MYOCD: variants seen among roughly 807,000 people sequenced by gnomAD.
MYOCD encodes the protein myocardin.
MYOCD carries 32 observed loss-of-function variants against 96.1 expected under a neutral mutation model. The ratio of observed to expected loss-of-function variants is 0.33; its 90% CI spans 0.25 to 0.45. MYOCD has a LOEUF of 0.45. Ranked by LOEUF, MYOCD falls within the 20% of genes least tolerant of loss-of-function variation. The pLI is 1.00. For missense variants in MYOCD, 1,133 were observed against 1,200.6 expected, an observed-to-expected ratio of 0.94 and a Z score of 0.83; for synonymous variants, 469 against 469.0, an observed-to-expected ratio of 1.00 and a Z score of 0.00.
chr17:12,699,137 A>T (rs1005606229), intron 1 of MYOCD, among the ~76,000 whole-genome samples: 1 of 144,916 alleles, frequency 6.9e-6, no homozygotes, highest in Non-Finnish European at 1.5e-5. Context: ...ATATATATAT[A>T]TTTTTTGAGA....
rs557147206 is a variant in MYOCD, at chr17:12,736,090, C to T, written c.416-71C>T. ...TGTATTTTTAATAGAAATGACACAT[C>T]GAAGCATTTCCAAAAATGCCCTTTG... On this transcript the variant is annotated intron_variant, in intron 5 of 13. Transcript: ENST00000425538. 15 of 1,264,622 alleles carry T rather than the reference C, an allele frequency of 1.2e-5. No individual in the cohort carries two copies. In the East Asian group the frequency reaches 1.9e-4, roughly 16 times the overall value. 78.3% of individuals were successfully genotyped at this position (1,264,622 alleles called of 1,614,324 possible). A position where few individuals can be genotyped will look rare whatever the true frequency, so the allele number is the denominator to read the frequency against.
chr17:12,690,046 T>C (rs867751521), intron 1 of MYOCD, among the ~76,000 whole-genome samples: 1 of 152,154 alleles, frequency 6.6e-6, no homozygotes, highest in Non-Finnish European at 1.5e-5. Flanking sequence ...CATATAGAGA[T>C]GTTAAATGCC....
In MYOCD at chr17:12,746,049, C is replaced by A; in HGVS notation, c.1102C>A (p.Pro368Thr). ...GVSSFKPGPL[P>T]PNLDDLKVSE... ...CTCTTCTTTCAAACCAGGCCCACTC[C>A]CACCTAACCTGGATGATCTGAAGGT... Residue 368 changes from proline (P) to threonine (T), a missense_variant, in exon 9 of 14, where the codon CCA (proline) becomes ACA (threonine). Coordinates refer to ENST00000425538, the MANE Select transcript of MYOCD (RefSeq NM_001146312.3). 2 of 1,614,234 alleles carry A rather than the reference C, an allele frequency of 1.2e-6. No individual in the cohort carries two copies.
At chr17:12,699,879 G>GTAATATA (rs1282808342) in intron 1 of MYOCD, among the ~76,000 whole-genome samples, 1 of 144,968 alleles carries the variant, frequency 6.9e-6, no homozygotes, top group Admixed American at 6.9e-5. Context: ...TTGAAAGATA[G>GTAATATA]TAATATATAT....
chr17:12,759,294 T>C (rs183714898), intron 12 of MYOCD, among the ~76,000 whole-genome samples: 2 of 152,272 alleles, frequency 1.3e-5, no homozygotes, highest in African/African-American at 2.4e-5. Flanking sequence ...TCTAAAAAAT[T>C]AGAGGATCTG....
intron 2 of MYOCD, among the ~76,000 whole-genome samples, chr17:12,710,698 C>G (rs1057150323): frequency 5.9e-5 from 9 of 152,120 alleles, no homozygotes; most frequent in African/African-American, 2.2e-4. Flanking sequence ...GGCTTTTCCC[C>G]CACAGCACCC....
chr17:12,699,325 A>G lies in MYOCD; in HGVS notation c.56-5803A>G, dbSNP rs571744372. Among the ~76,000 whole-genome samples the G allele has an allele frequency of 2.6e-5, 4 of 151,094 alleles. No homozygotes were observed. The South Asian group carries it at 8.4e-4, about 32-fold the overall frequency. On this transcript the variant is annotated intron_variant, in intron 1 of 13. Coordinates refer to ENST00000425538, the MANE Select transcript of MYOCD (RefSeq NM_001146312.3). ...TTTTTAGTAGAGATGGGGTTTCACCATTTTGGCCAGGCTGCTCTTGAGCTC... is the reference window on the plus strand; with the variant it reads ...TTTTTAGTAGAGATGGGGTTTCACCGTTTTGGCCAGGCTGCTCTTGAGCTC...
intron 5 of MYOCD, among the ~76,000 whole-genome samples, chr17:12,727,891 A>G (rs952823633): frequency 2.2e-4 from 34 of 152,170 alleles, no homozygotes; most frequent in African/African-American, 7.9e-4. Context: ...CCAGGCTGCA[A>G]GTTGACTTTC....
chr17:12,668,867 C>A (rs1909518388), intron 1 of MYOCD, among the ~76,000 whole-genome samples: 1 of 152,090 alleles, frequency 6.6e-6, no homozygotes, highest in Admixed American at 6.5e-5. Context: ...AAACATTTTT[C>A]TATTATTAAT....
rs954421100 is a variant in MYOCD at position 12,752,954 on chromosome 17, A to G, written c.1666A>G (p.Asn556Asp). The G allele has an allele frequency of 1.6e-5, 26 of 1,614,144 alleles. No homozygotes were observed. The highest frequency in any genetic ancestry group is 2.2e-5 in the Non-Finnish European group (26 of 1,180,034). The change falls in exon 10 of 14, where the codon AAC becomes GAC. Residue 556 changes from asparagine (N) to aspartate (D), a missense_variant. Transcript: ENST00000425538. ...RMQLQKQKRN[N>D]CSEKKPLPFL... ...GCAGCTTCAGAAGCAGAAAAGGAAT[A>G]ACTGTTCAGAGAAGAAGCCGCTGCC...
At chr17:12,696,003 G>A (rs915167028) in intron 1 of MYOCD, among the ~76,000 whole-genome samples, 1 of 152,080 alleles carries the variant, frequency 6.6e-6, no homozygotes, top group South Asian at 2.1e-4. Context: ...CATCCATGTC[G>A]TAGCATGTCA....
intron 1 of MYOCD, among the ~76,000 whole-genome samples, chr17:12,684,366 A>G (rs891395781): frequency 2.0e-5 from 3 of 152,244 alleles, no homozygotes; most frequent in African/African-American, 7.2e-5. Context: ...CTACAGGAGA[A>G]AGTGGAACGT....
At position 12,666,144 on chromosome 17, in the gene MYOCD, CA is replaced by C; in HGVS notation, c.-44del. 3 of 1,534,532 alleles carry C rather than the reference CA, an allele frequency of 2.0e-6. No individual in the cohort carries two copies. The highest frequency in any genetic ancestry group is 2.7e-6 in the Non-Finnish European group (3 of 1,109,226). ...CCGGGAGCCTGTTGCTGGTGGAGAA[CA>C]GGGGGCGCCTGGCCAAGGGACCAGC... On this transcript the variant is annotated 5_prime_UTR_variant, in exon 1 of 14. The change abolishes the stop of an existing upstream ORF in the 5' untranslated region. Coordinates refer to ENST00000425538, the MANE Select transcript of MYOCD (RefSeq NM_001146312.3).
At chr17:12,735,961 A>G (rs2032327361) in intron 5 of MYOCD, among the ~76,000 whole-genome samples, 200 bp from the exon 6 acceptor site, 1 of 152,126 alleles carries the variant, frequency 6.6e-6, no homozygotes, top group South Asian at 2.1e-4. Context: ...CCTTTGATAG[A>G]GCACTCTTTC....
At chr17:12,740,118 A>G (rs958709542) in intron 7 of MYOCD, among the ~76,000 whole-genome samples, 1 of 151,962 alleles carries the variant, frequency 6.6e-6, no homozygotes, top group African/African-American at 2.4e-5. Flanking sequence ...TGTGTTTTTC[A>G]TAGAGATGGG....
intron 5 of MYOCD, among the ~76,000 whole-genome samples, chr17:12,730,482 A>G (rs1304455932): frequency 6.6e-6 from 1 of 152,018 alleles, no homozygotes; most frequent in Non-Finnish European, 1.5e-5. Flanking sequence ...GCAAATTTCT[A>G]AAGTGCCAGG....
At chr17:12,690,702 C>T (rs1206365871) in intron 1 of MYOCD, among the ~76,000 whole-genome samples, 1 of 150,892 alleles carries the variant, frequency 6.6e-6, no homozygotes, top group African/African-American at 2.5e-5. Context: ...CAGTCTACCT[C>T]GGACATACTA....
At position 12,736,346 on chromosome 17, in the gene MYOCD, AAAAC is replaced by A. The variant is rs1456082836; in HGVS notation, c.591+19_591+22del. On this transcript the variant is annotated intron_variant, in intron 6 of 13. Transcript: ENST00000425538. ...TCTGGGGACAAACCAGGTAAAAAAC[AAAAC>A]AAACAAACGAAAAAAGTAAAACAGC... 2 of 1,610,764 alleles carry A rather than the reference AAAAC, an allele frequency of 1.2e-6. No homozygotes were observed. The highest frequency in any genetic ancestry group is 2.2e-5 in the East Asian group (1 of 44,814).
rs531840936 is a variant in MYOCD, at chr17:12,749,612, CAT to C, written c.1126-2801_1126-2800del. 3.0e-3 allele frequency among the ~76,000 whole-genome samples: 440 copies of C among 146,520 alleles called. 8 individuals carry two copies. Among genetic ancestry groups the C allele is most frequent in the Admixed American group, 0.027 (390 of 14,534 alleles). ...ATATATATGTGTGTATATATATACA[CAT>C]GTCTCAAAACCTATATATACGTGTG... On this transcript the variant is annotated intron_variant, in intron 9 of 13. Transcript: ENST00000425538.
Sources: allele counts gnomAD v4.1 joint callset (sites outside exome capture counted in the v4.1 genomes callset), GRCh38; gene constraint gnomAD v4.1.1; transcripts MANE v1.5; gene names NCBI Gene and HGNC (gene_info 2026-07-23, HGNC 2026-07-21).